ARMH4: variants seen among roughly 807,000 people sequenced by gnomAD.
The protein encoded by ARMH4 is armadillo-like helical domain-containing protein 4.
A neutral mutation model predicts 61.9 loss-of-function variants in ARMH4; 49 were observed. That is an observed-to-expected ratio of 0.79 (90% CI 0.63 to 1.00). The LOEUF is 1.00. Ranked by LOEUF, ARMH4 falls within the 50% of genes least tolerant of loss-of-function variation. The pLI, the probability that ARMH4 is intolerant of heterozygous loss-of-function variation, is 0.00. For synonymous variants in ARMH4, 368 were observed against 341.5 expected, an observed-to-expected ratio of 1.08 and a Z score of -0.85; for missense variants, 934 against 930.0, an observed-to-expected ratio of 1.00 and a Z score of -0.06.
intron 5 of ARMH4, among the ~76,000 whole-genome samples, chr14:58,019,020 C>G (rs1210311759): frequency 6.6e-6 from 1 of 150,968 alleles, no homozygotes; most frequent in African/African-American, 2.5e-5. Context: ...AAGCTAGGCA[C>G]AGAAAGACAA....
At chr14:58,077,329 C>A (rs373487765) in intron 5 of ARMH4, among the ~76,000 whole-genome samples, 1 of 152,142 alleles carries the variant, frequency 6.6e-6, no homozygotes, top group Non-Finnish European at 1.5e-5. Context: ...GTAGACTGTG[C>A]GTGGTGGTTC....
intron 1 of ARMH4, chr14:58,141,459 C>G (rs1887548208): frequency 1.1e-5 from 6 of 541,484 alleles, no homozygotes; most frequent in South Asian, 8.6e-5. Flanking sequence ...CAGGCTACAA[C>G]ATCCAGAAAG....
At chr14:58,125,290 C>T (rs1886863150) in intron 4 of ARMH4, among the ~76,000 whole-genome samples, 1 of 152,052 alleles carries the variant, frequency 6.6e-6, no homozygotes, top group Non-Finnish European at 1.5e-5. Flanking sequence ...GACATACTTT[C>T]CTCCTCTCCA....
intron 5 of ARMH4, among the ~76,000 whole-genome samples, chr14:58,065,130 T>G (rs1415385172): frequency 1.3e-5 from 2 of 152,084 alleles, no homozygotes; most frequent in Non-Finnish European, 2.9e-5. Flanking sequence ...TAATCCCAGC[T>G]ACTTGGGAGG....
intron 4 of ARMH4, among the ~76,000 whole-genome samples, chr14:58,109,918 T>G (rs1403956799): frequency 6.6e-6 from 1 of 152,132 alleles, no homozygotes; most frequent in Non-Finnish European, 1.5e-5. Flanking sequence ...GGCACGTTCT[T>G]CACAAGGTGG....
chr14:58,112,856 TC>T, intron 4 of ARMH4, among the ~76,000 whole-genome samples: 1 of 152,304 alleles, frequency 6.6e-6, no homozygotes, highest in South Asian at 2.1e-4. Flanking sequence ...TAAATTTTGT[TC>T]CTTTGTAGGT....
Position 58,041,721 on chromosome 14 carries a change from A to T in ARMH4, c.2090-29571T>A, listed in dbSNP as rs57438968. Among the ~76,000 whole-genome samples, 13 of 152,280 alleles carry T rather than the reference A, an allele frequency of 8.5e-5. No individual in the cohort carries two copies. The East Asian group carries it at 2.5e-3, about 29-fold the overall frequency. On this transcript the variant is annotated intron_variant, in intron 5 of 7. Coordinates refer to ENST00000267485, the MANE Select transcript of ARMH4 (RefSeq NM_001001872.4). ...ATCCATCTCATGTGCAGAGACACAC[A>T]TAGGATCAAAATAAAGGGATGGAGG... is the stretch of plus-strand genomic sequence containing the variant.
At chr14:58,040,971 T>G (rs539932910) in intron 5 of ARMH4, among the ~76,000 whole-genome samples, 1 of 152,138 alleles carries the variant, frequency 6.6e-6, no homozygotes, top group African/African-American at 2.4e-5. Flanking sequence ...AAATGAAACA[T>G]GGTCAGGGGG....
intron 4 of ARMH4, among the ~76,000 whole-genome samples, chr14:58,102,943 G>A (rs941083658): frequency 6.6e-6 from 1 of 151,776 alleles, no homozygotes; most frequent in Non-Finnish European, 1.5e-5. Context: ...AGACCAGCCT[G>A]ACCAATGTGG....
At chr14:58,092,751 T>G (rs924890712) in intron 5 of ARMH4, among the ~76,000 whole-genome samples, 3 of 151,976 alleles carry the variant, frequency 2.0e-5, no homozygotes, top group Non-Finnish European at 2.9e-5. Flanking sequence ...AAGAACCTTG[T>G]AATTATAATG....
In ARMH4 at chr14:58,035,085, A is replaced by G. The variant is rs1214273953; in HGVS notation, c.2090-22935T>C. On this transcript the variant is annotated intron_variant, in intron 5 of 7. Coordinates refer to ENST00000267485, the MANE Select transcript of ARMH4 (RefSeq NM_001001872.4). ...GACATCTACAGAACTCTCCACCCCAAATCAACAGAATATACATTTTTTTCA... is the reference window on the plus strand; with the variant it reads ...GACATCTACAGAACTCTCCACCCCAGATCAACAGAATATACATTTTTTTCA... 2.0e-5 allele frequency among the ~76,000 whole-genome samples: 3 copies of G among 147,394 alleles called. No individual in the cohort carries two copies. In the East Asian group the frequency reaches 6.1e-4, roughly 30 times the overall value.
intron 5 of ARMH4, among the ~76,000 whole-genome samples, chr14:58,027,099 A>C (rs1222567692): frequency 1.3e-5 from 2 of 152,226 alleles, no homozygotes; most frequent in African/African-American, 4.8e-5. Flanking sequence ...CACTCCTCAC[A>C]ATAATGGGCA....
chr14:58,082,898 G>A (rs951199862), intron 5 of ARMH4, among the ~76,000 whole-genome samples: 2 of 152,064 alleles, frequency 1.3e-5, no homozygotes, highest in African/African-American at 4.8e-5. Flanking sequence ...CATCCAGCTG[G>A]GGTCATGTGA....
intron 6 of ARMH4, among the ~76,000 whole-genome samples, chr14:58,010,494 T>C (rs931964531): frequency 2.0e-5 from 3 of 152,104 alleles, no homozygotes; most frequent in African/African-American, 7.2e-5. Flanking sequence ...ACAGTCACTA[T>C]TGGAATTCAA....
rs1009265 is a variant in ARMH4 at position 58,053,880 on chromosome 14, A to C, written c.2090-41730T>G. 2.4e-3 allele frequency among the ~76,000 whole-genome samples: 368 copies of C among 152,310 alleles called. 3 individuals carry two copies. Among genetic ancestry groups the C allele is most frequent in the African/African-American group, 8.6e-3 (356 of 41,582 alleles). On this transcript the variant is annotated intron_variant, in intron 5 of 7. Transcript: ENST00000267485. ...TAGTGACAACCACACATGGGTCTTT[A>C]CGTCATGTTTTTCACTTTTCTATAC...
Position 58,004,798 on chromosome 14 carries a change from C to A in ARMH4, c.2263G>T (p.Glu755Ter), listed in dbSNP as rs1882100842. 2.5e-6 allele frequency: 4 copies of A among 1,610,492 alleles called. No individual in the cohort carries two copies. Among genetic ancestry groups the A allele is most frequent in the Non-Finnish European group, 3.4e-6 (4 of 1,177,064 alleles). Reference sequence around the variant, plus strand: ...ACTCGATCTTGCATGCTGTTGAATTCTCTCTGCTAGAGAAAGAAAACAGAA... The same window carrying A: ...ACTCGATCTTGCATGCTGTTGAATTATCTCTGCTAGAGAAAGAAAACAGAA... ...GFKRHKRKQR[E>*]FNSMQDRVML... The change falls in exon 8 of 8, where the codon GAA (glutamate) becomes TAA (stop). Residue 755 changes from glutamate (E) to a stop codon, truncating the protein, a stop_gained. Coordinates refer to ENST00000267485, the MANE Select transcript of ARMH4 (RefSeq NM_001001872.4). LOFTEE classifies it high-confidence loss of function.
chr14:58,113,089 A>T (rs933108082), intron 4 of ARMH4, among the ~76,000 whole-genome samples: 2 of 152,168 alleles, frequency 1.3e-5, no homozygotes, highest in East Asian at 1.9e-4. Context: ...ATTCTTTTTT[A>T]AAAAAGCAAC....
At chr14:58,148,456 C>T (rs1008918800) in intron 1 of ARMH4, among the ~76,000 whole-genome samples, 1 of 152,184 alleles carries the variant, frequency 6.6e-6, no homozygotes, top group Admixed American at 6.5e-5. Flanking sequence ...CTTTCCCCAC[C>T]CTTCTCCTAG....
chr14:58,086,391 T>C lies in ARMH4; in HGVS notation c.2089+10333A>G, dbSNP rs1198857290. Among the ~76,000 whole-genome samples the C allele has an allele frequency of 4.6e-5, 7 of 152,270 alleles. No homozygotes were observed. In the East Asian group the frequency reaches 1.3e-3, roughly 29 times the overall value. ...TGGATTACTAAAGACTCTGTAGATA[T>C]TAAAAACACTTTGGAGTAAGTAGAA... On this transcript the variant is annotated intron_variant, in intron 5 of 7. Transcript: ENST00000267485.
Sources: gnomAD v4.1 joint callset for allele counts (sites outside exome capture counted in the v4.1 genomes callset) on GRCh38, gnomAD v4.1.1 for gene constraint, MANE v1.5 for transcripts, NCBI Gene and HGNC (gene_info 2026-07-23, HGNC 2026-07-21) for gene names.